The following DRG1 variants were observed in gnomAD, a reference collection of about 807,000 sequenced individuals.
The protein encoded by DRG1 is developmentally regulated GTP binding protein 1, also known as developmentally-regulated GTP-binding protein 1.
DRG1 carries 19 observed loss-of-function variants against 38.8 expected under a neutral mutation model. The ratio of observed to expected loss-of-function variants is 0.49; its 90% confidence interval spans 0.34 to 0.72. The LOEUF (loss-of-function observed/expected upper bound fraction) is 0.72, where lower values mean the gene tolerates loss of function less well. Among genes scored for constraint, DRG1 ranks in the 30% least tolerant of loss-of-function variants. The pLI is 0.01. For synonymous variants in DRG1, 167 were observed against 157.5 expected (o/e 1.06, Z -0.45); for missense variants, 299 against 444.8 (o/e 0.67, Z 2.95).
chr22:31,409,643 T>G (rs939911650), intron 3 of DRG1, among the ~76,000 whole-genome samples: 5 of 152,136 alleles, frequency 3.3e-5, no homozygotes, highest in African/African-American at 1.2e-4. Flanking sequence ...ATACCTGCTG[T>G]AAGGAATTTA....
intron 4 of DRG1, among the ~76,000 whole-genome samples, chr22:31,418,725 A>G (rs550085619): frequency 1.1e-4 from 16 of 151,390 alleles, no homozygotes; most frequent in African/African-American, 3.6e-4. Context: ...TCTGTTGCCC[A>G]GGCTGGAGTG....
intron 2 of DRG1, among the ~76,000 whole-genome samples, chr22:31,401,314 G>A (rs1164652720): frequency 6.6e-6 from 1 of 151,854 alleles, no homozygotes; most frequent in Admixed American, 6.6e-5. Context: ...TGGGTGCGGT[G>A]GCTCACGCCT....
At chr22:31,406,855 G>A (rs902578481) in intron 3 of DRG1, among the ~76,000 whole-genome samples, 2 of 151,980 alleles carry the variant, frequency 1.3e-5, no homozygotes, top group African/African-American at 4.8e-5. Flanking sequence ...TTTTCCACCA[G>A]TGTCCTTTTT....
chr22:31,399,836 A>G, intron 1 of DRG1, 111 bp downstream of exon 1: 1 of 1,523,478 alleles, frequency 6.6e-7, no homozygotes, highest in African/African-American at 1.4e-5. Context: ...AGATTCCGCG[A>G]CTTCTCTCAG....
chr22:31,414,509 C>T (rs112116206), intron 4 of DRG1, among the ~76,000 whole-genome samples: 92 of 152,180 alleles, frequency 6.0e-4, no homozygotes, highest in South Asian at 1.0e-3. Context: ...CTTGCTCTTC[C>T]CTTAGTCTTT....
At chr22:31,402,379 A>C (rs2049967298) in intron 2 of DRG1, among the ~76,000 whole-genome samples, 1 of 152,124 alleles carries the variant, frequency 6.6e-6, no homozygotes. Context: ...CTTTTTAATT[A>C]ATTAATTTGT....
chr22:31,409,089 A>G (rs1052689930), intron 3 of DRG1, among the ~76,000 whole-genome samples: 6 of 151,744 alleles, frequency 4.0e-5, no homozygotes, highest in Non-Finnish European at 8.8e-5. Context: ...TTTAAAATTT[A>G]TTTATTTATT....
chr22:31,418,113 G>A (rs1056259094), intron 4 of DRG1, among the ~76,000 whole-genome samples: 6 of 151,926 alleles, frequency 3.9e-5, no homozygotes, highest in African/African-American at 1.4e-4. Flanking sequence ...TGAACAACAT[G>A]GTGAAATGCT....
intron 3 of DRG1, among the ~76,000 whole-genome samples, chr22:31,406,133 C>G (rs1466904655): frequency 1.3e-5 from 2 of 151,846 alleles, no homozygotes; most frequent in Non-Finnish European, 2.9e-5. Flanking sequence ...TCCTGAGTAG[C>G]TGGGACTATA....
At chr22:31,411,528 T>G (rs922995040) in intron 4 of DRG1, among the ~76,000 whole-genome samples, 5 of 142,820 alleles carry the variant, frequency 3.5e-5, no homozygotes, top group Non-Finnish European at 3.1e-5. Context: ...TTTCTGTCTT[T>G]TCTTTTTTTT....
intron 3 of DRG1, among the ~76,000 whole-genome samples, chr22:31,408,729 G>A (rs905097021): frequency 7.0e-6 from 1 of 142,860 alleles, no homozygotes; most frequent in Non-Finnish European, 1.5e-5. Flanking sequence ...CTTCAGCCTG[G>A]GCGATAGAGC....
chr22:31,400,142 C>G lies in DRG1; in HGVS notation c.42+417C>G, dbSNP rs77801653. On this transcript the variant is annotated intron_variant, in intron 1 of 8. Coordinates refer to ENST00000331457, the MANE Select transcript of DRG1 (RefSeq NM_004147.4). ...TTCCTCATCATCCTTCGCTGCGTCC[C>G]CCTTATTCCCCCTTTTCCCAGTGTC... is the stretch of plus-strand genomic sequence containing the variant. 3.1e-4 allele frequency among the ~76,000 whole-genome samples: 47 copies of G among 152,140 alleles called. No individual in the cohort carries two copies. In the East Asian group the frequency reaches 5.6e-3, roughly 18 times the overall value.
chr22:31,410,908 T>C, intron 3 of DRG1, 104 bp from the exon 4 acceptor site: 1 of 1,193,776 alleles, frequency 8.4e-7, no homozygotes, highest in Non-Finnish European at 1.2e-6. Context: ...GATTTGGGTC[T>C]GATAAATTAT....
chr22:31,401,583 C>CA (rs951167073), intron 2 of DRG1, among the ~76,000 whole-genome samples: 1,381 of 53,080 alleles, frequency 0.026, 26 homozygotes, highest in African/African-American at 0.045. Context: ...GACTCTGTCT[C>CA]AAAAAAAAAA....
chr22:31,423,729 G>A (rs2050091548), intron 6 of DRG1, among the ~76,000 whole-genome samples: 1 of 151,816 alleles, frequency 6.6e-6, no homozygotes, highest in Non-Finnish European at 1.5e-5. Context: ...GTTTCATCAT[G>A]TTGGCCAGGC....
rs762210000 is a variant in DRG1, at chr22:31,399,705, A to G, written c.22A>G (p.Ile8Val). Residue 8 changes from isoleucine (I) to valine (V), a missense_variant, in exon 1 of 9, where the codon ATC becomes GTC. Ile to Val is a conservative substitution (Grantham distance 29, BLOSUM62 3). Coordinates refer to ENST00000331457, the MANE Select transcript of DRG1 (RefSeq NM_004147.4). ...CACGATGAGCAGCACCTTAGCTAAG[A>G]TCGCGGAGATAGAAGCAGAGGTAAT... MSSTLAKIAEIEAEMART... is the reference protein window; with the variant it reads MSSTLAKVAEIEAEMART... 2.5e-6 allele frequency: 4 copies of G among 1,613,968 alleles called. No homozygotes were observed. The highest frequency in any genetic ancestry group is 2.7e-5 in the African/African-American group (2 of 75,036).
intron 3 of DRG1, among the ~76,000 whole-genome samples, chr22:31,410,329 C>T (rs892203168): frequency 9.2e-5 from 14 of 151,558 alleles, no homozygotes; most frequent in African/African-American, 3.1e-4. Context: ...GTGGCGTGCA[C>T]CTGTAGTCCC....
intron 8 of DRG1, among the ~76,000 whole-genome samples, chr22:31,428,246 G>C (rs1356747305): frequency 1.3e-5 from 2 of 149,450 alleles, no homozygotes; most frequent in Admixed American, 6.7e-5. Flanking sequence ...GAGTCTCGCT[G>C]TGTCGCCCAG....
intron 2 of DRG1, among the ~76,000 whole-genome samples, chr22:31,402,390 T>G (rs553311032): frequency 6.6e-6 from 1 of 152,256 alleles, no homozygotes; most frequent in Admixed American, 6.5e-5. Flanking sequence ...ATTAATTTGT[T>G]TATTTTAGTT....
Sources: gnomAD v4.1 joint callset for allele counts (sites outside exome capture counted in the v4.1 genomes callset) on GRCh38, gnomAD v4.1.1 for gene constraint, MANE v1.5 for transcripts, NCBI Gene and HGNC (gene_info 2026-07-23, HGNC 2026-07-21) for gene names.